Variants in PCSK2 observed in about 807,000 individuals in gnomAD.
PCSK2 encodes the protein proprotein convertase subtilisin/kexin type 2, also known as neuroendocrine convertase 2.
A neutral mutation model predicts 69.7 loss-of-function variants in PCSK2; 14 were observed. The observed-to-expected ratio is 0.20, with a 90% confidence interval of 0.13 to 0.31. PCSK2 has a LOEUF of 0.31. PCSK2 is among the 10% of genes least tolerant of loss of function. The pLI is 1.00. For synonymous variants in PCSK2, 307 were observed against 320.7 expected, an observed-to-expected ratio of 0.96 and a Z score of 0.46; for missense variants, 544 against 842.5, an observed-to-expected ratio of 0.65 and a Z score of 4.39.
intron 1 of PCSK2, among the ~76,000 whole-genome samples, chr20:17,245,972 C>G (rs562489290): frequency 6.6e-6 from 1 of 152,282 alleles, no homozygotes; most frequent in Admixed American, 6.5e-5. Context: ...CAAAGAACTC[C>G]ATAACCTTAG....
At chr20:17,448,137 A>C (rs2032735665) in intron 8 of PCSK2, among the ~76,000 whole-genome samples, 1 of 152,250 alleles carries the variant, frequency 6.6e-6, no homozygotes, top group Non-Finnish European at 1.5e-5. Flanking sequence ...CTGGAAAATA[A>C]AAATTACTAT....
intron 2 of PCSK2, among the ~76,000 whole-genome samples, chr20:17,298,409 G>A (rs1239778244): frequency 6.6e-6 from 1 of 152,158 alleles, no homozygotes; most frequent in Non-Finnish European, 1.5e-5. Flanking sequence ...GTCACTGGTG[G>A]GAAGGTGGGT....
At chr20:17,454,954 T>A (rs2032893329) in intron 9 of PCSK2, among the ~76,000 whole-genome samples, 1 of 152,166 alleles carries the variant, frequency 6.6e-6, no homozygotes, top group African/African-American at 2.4e-5. Flanking sequence ...CCACGAGCCC[T>A]CCTGCATTCC....
intron 2 of PCSK2, among the ~76,000 whole-genome samples, chr20:17,349,207 A>T (rs1231139625): frequency 6.6e-6 from 1 of 152,212 alleles, no homozygotes; most frequent in African/African-American, 2.4e-5. Flanking sequence ...AACAACAGGT[A>T]TAGCAGGGCC....
At chr20:17,385,893 T>C (rs1024794129) in intron 5 of PCSK2, among the ~76,000 whole-genome samples, 2 of 152,202 alleles carry the variant, frequency 1.3e-5, no homozygotes, top group Non-Finnish European at 2.9e-5. Flanking sequence ...CTCTTATCCA[T>C]CATTGGTTGA....
At chr20:17,441,752 T>A (rs1409809342) in intron 8 of PCSK2, among the ~76,000 whole-genome samples, 1 of 152,046 alleles carries the variant, frequency 6.6e-6, no homozygotes, top group Non-Finnish European at 1.5e-5. Flanking sequence ...ATGATTCAGT[T>A]ACCTCCCACT....
intron 7 of PCSK2, among the ~76,000 whole-genome samples, chr20:17,431,920 G>A (rs1647036179): frequency 1.3e-5 from 2 of 152,174 alleles, no homozygotes; most frequent in Admixed American, 1.3e-4. Flanking sequence ...CTGGGCTAAG[G>A]AGGTCTAAAG....
chr20:17,412,567 A>G (rs2031900338), intron 6 of PCSK2, among the ~76,000 whole-genome samples: 1 of 152,234 alleles, frequency 6.6e-6, no homozygotes, highest in South Asian at 2.1e-4. Flanking sequence ...AGTGTACTTG[A>G]AACTGACAGG....
At chr20:17,226,917 C>G (rs971392180), upstream of PCSK2, 3 of 150,208 alleles carry the variant, frequency 2.0e-5, no homozygotes, top group African/African-American at 7.3e-5. Context: ...CCGCTTCCCC[C>G]GCCCTCATTG....
At chr20:17,318,164 T>C (rs1450811324) in intron 2 of PCSK2, among the ~76,000 whole-genome samples, 1 of 152,218 alleles carries the variant, frequency 6.6e-6, no homozygotes, top group Non-Finnish European at 1.5e-5. Flanking sequence ...ATTTGGAACA[T>C]AGTTCTGAAT....
chr20:17,429,627 C>G, intron 7 of PCSK2, 104 bp downstream of exon 7: 3 of 739,706 alleles, frequency 4.1e-6, no homozygotes, highest in Non-Finnish European at 6.4e-6. Flanking sequence ...AAGCTAGGAT[C>G]CACAGATTTG....
intron 2 of PCSK2, among the ~76,000 whole-genome samples, chr20:17,310,220 C>G (rs576700708): frequency 1.8e-4 from 28 of 152,304 alleles, no homozygotes; most frequent in African/African-American, 6.7e-4. Context: ...CACTGTCCCC[C>G]TGATAAGACT....
chr20:17,434,034 A>C (rs1477083425), intron 7 of PCSK2, among the ~76,000 whole-genome samples: 163 of 51,352 alleles, frequency 3.2e-3, no homozygotes, highest in East Asian at 4.1e-3. Context: ...TCTCTCCTAC[A>C]CTCTCCCTCT....
rs956995061 is a variant in PCSK2, at chr20:17,482,618, T to G, written c.*548T>G. On this transcript the variant is annotated 3_prime_UTR_variant, in exon 12 of 12. Transcript: ENST00000262545. ...ACCAGGGATGTAGATTAAGGTGATG[T>G]GATTCAAAAGATGCCATTCATAGAG... is the stretch of plus-strand genomic sequence containing the variant. 2 of 152,228 alleles carry G rather than the reference T, an allele frequency of 1.3e-5. No homozygotes were observed. The highest frequency in any genetic ancestry group is 4.8e-5 in the African/African-American group (2 of 41,428). The allele number at this position is 152,228 out of a possible 1,614,324, so 9.4% of individuals were successfully genotyped here.
rs139215444 is a variant in PCSK2, at chr20:17,409,280, C to T, written c.561C>T (p.Tyr187=). ...LASNYNAEAS[Y]DFSSNDPYPY... is the part of the protein sequence containing the mutation. ...TTTTTCAGAATGCCGAAGCAAGTTACGACTTCAGCAGCAACGACCCCTATC... is the reference window on the plus strand; with the variant it reads ...TTTTTCAGAATGCCGAAGCAAGTTATGACTTCAGCAGCAACGACCCCTATC... The change falls in exon 6 of 12, where the codon TAC becomes TAT. Residue 187 remains tyrosine (Y), a synonymous_variant. Transcript: ENST00000262545. 5.8e-5 allele frequency: 93 copies of T among 1,613,724 alleles called. No homozygotes were observed. The African/African-American group carries it at 8.8e-4, about 15-fold the overall frequency.
At chr20:17,390,811 C>A (rs1489785363) in intron 5 of PCSK2, among the ~76,000 whole-genome samples, 1 of 152,180 alleles carries the variant, frequency 6.6e-6, no homozygotes, top group Non-Finnish European at 1.5e-5. Context: ...CTCTCCTTTT[C>A]CTCCTCTATA....
At chr20:17,437,556 G>A (rs1447031556) in intron 8 of PCSK2, among the ~76,000 whole-genome samples, 1 of 152,202 alleles carries the variant, frequency 6.6e-6, no homozygotes, top group East Asian at 1.9e-4. Context: ...CTGGGCTCCA[G>A]TCTATCAGGA....
chr20:17,293,063 G>C (rs73094442), intron 2 of PCSK2, among the ~76,000 whole-genome samples: 1 of 151,978 alleles, frequency 6.6e-6, no homozygotes, highest in East Asian at 1.9e-4. Flanking sequence ...GGCTTTAAAG[G>C]ATCCACCTGC....
intron 11 of PCSK2, among the ~76,000 whole-genome samples, chr20:17,468,116 G>A (rs370027614): frequency 6.7e-6 from 1 of 148,350 alleles, no homozygotes; most frequent in Non-Finnish European, 1.5e-5. Context: ...CCATAGGTCA[G>A]CATCCTCCCA....
Sources: allele counts gnomAD v4.1 joint callset (sites outside exome capture counted in the v4.1 genomes callset), GRCh38; gene constraint gnomAD v4.1.1; transcripts MANE v1.5; gene names NCBI Gene and HGNC (gene_info 2026-07-23, HGNC 2026-07-21).